The following VPS13D variants were observed in gnomAD, a reference collection of about 807,000 sequenced individuals.
VPS13D encodes vacuolar protein sorting 13 homolog D.
A neutral mutation model predicts 461.9 loss-of-function variants in VPS13D; 187 were observed. The ratio of observed to expected loss-of-function variants is 0.40; its 90% CI spans 0.36 to 0.46. The LOEUF is 0.46. Among genes scored for constraint, VPS13D ranks in the 20% least tolerant of loss-of-function variants. The probability of loss-of-function intolerance (pLI) is 0.60; values close to 1 mark genes in which losing one functional copy is unlikely to be tolerated. For missense variants in VPS13D, 4,711 were observed against 5,364.9 expected (o/e 0.88, Z 3.81); for synonymous variants, 1,951 against 1,986.3 (o/e 0.98, Z 0.47).
At chr1:12,371,476 C>T (rs1239502345) in intron 54 of VPS13D, among the ~76,000 whole-genome samples, 3 of 151,528 alleles carry the variant, frequency 2.0e-5, no homozygotes, top group Admixed American at 6.6e-5. Context: ...CTGTAACCTC[C>T]ACCTCCCGGG....
intron 6 of VPS13D, among the ~76,000 whole-genome samples, chr1:12,251,932 G>A (rs1381729248): frequency 6.6e-6 from 1 of 152,090 alleles, no homozygotes. Context: ...AGGGGTTGTG[G>A]CTGATCAGTC....
intron 37 of VPS13D, 59 bp from the exon 38 acceptor site, chr1:12,333,167 T>C (rs1643373098): frequency 7.7e-6 from 12 of 1,563,100 alleles, no homozygotes; most frequent in Non-Finnish European, 1.0e-5. Context: ...GCGAGCAGTG[T>C]TCCCCTATAA....
intron 52 of VPS13D, 32 bp downstream of exon 52, chr1:12,363,279 G>T: frequency 1.9e-6 from 3 of 1,606,912 alleles, no homozygotes; most frequent in Non-Finnish European, 2.6e-6. Context: ...TAGACAAAAA[G>T]GTAGCCCCTG....
intron 46 of VPS13D, among the ~76,000 whole-genome samples, chr1:12,351,071 A>G (rs185809888): frequency 3.8e-4 from 58 of 152,358 alleles, no homozygotes; most frequent in African/African-American, 1.3e-3. Context: ...AAAGAACACT[A>G]TAGGCCCATA....
chr1:12,333,416 T>C, intron 38 of VPS13D, 50 bp downstream of exon 38: 1 of 1,602,958 alleles, frequency 6.2e-7, no homozygotes, highest in Middle Eastern at 1.7e-4. Flanking sequence ...GTACCTAAGT[T>C]CTGAGTCTGG....
At chr1:12,448,126 G>C (rs1012995238) in intron 65 of VPS13D, among the ~76,000 whole-genome samples, 7 of 152,140 alleles carry the variant, frequency 4.6e-5, no homozygotes, top group Admixed American at 4.6e-4. Context: ...TGTAGATGAA[G>C]ACACTGATTC....
chr1:12,301,016 G>C (rs1290936514), intron 25 of VPS13D, among the ~76,000 whole-genome samples: 1 of 152,230 alleles, frequency 6.6e-6, no homozygotes, highest in Non-Finnish European at 1.5e-5. Context: ...CGTAGGGAGA[G>C]AGATGGCCTT....
intron 27 of VPS13D, 37 bp downstream of exon 27, chr1:12,308,678 C>A: frequency 6.3e-7 from 1 of 1,594,732 alleles, no homozygotes; most frequent in Non-Finnish European, 8.6e-7. Flanking sequence ...TGGAGTCTCG[C>A]TCTGTTCACC....
At chr1:12,341,358 A>G (rs898368334) in intron 40 of VPS13D, among the ~76,000 whole-genome samples, 1 of 152,220 alleles carries the variant, frequency 6.6e-6, no homozygotes, top group African/African-American at 2.4e-5. Context: ...AGGGTAACTT[A>G]TGTAAAGGGA....
At position 12,371,579 on chromosome 1, in the gene VPS13D, G is replaced by C. The variant is rs1435700091; in HGVS notation, c.10808+1877G>C. Among the ~76,000 whole-genome samples the C allele has an allele frequency of 2.0e-5, 3 of 151,952 alleles. No individual in the cohort carries two copies. The East Asian group carries it at 5.8e-4, about 29-fold the overall frequency. On this transcript the variant is annotated intron_variant, in intron 54 of 69. Coordinates refer to ENST00000620676, the MANE Select transcript of VPS13D (RefSeq NM_015378.4). Reference sequence around the variant, plus strand: ...CTGATTTTTTTGTATTTTTAGTAGAGATGGGATTTCACCATGTTGGTCAGG... The same window carrying C: ...CTGATTTTTTTGTATTTTTAGTAGACATGGGATTTCACCATGTTGGTCAGG...
At chr1:12,240,719 T>C (rs1049593714) in intron 2 of VPS13D, among the ~76,000 whole-genome samples, 2 of 149,200 alleles carry the variant, frequency 1.3e-5, no homozygotes, top group East Asian at 2.0e-4. Context: ...GATTTTTTTT[T>C]CCCCTTATGT....
intron 2 of VPS13D, 49 bp downstream of exon 2, chr1:12,234,412 T>G: frequency 6.7e-7 from 1 of 1,493,412 alleles, no homozygotes; most frequent in Non-Finnish European, 9.2e-7. Context: ...GCGTTTCTAT[T>G]TTTGTATTTT....
At position 12,431,496 on chromosome 1, in the gene VPS13D, C is replaced by T. The variant is rs150711936; in HGVS notation, c.12333+14669C>T. ...AGACTGGGCCGGCAGCTTGTGGGCA[C>T]CTGCTTGGTAGGAGTGAGGGGGAGA... On this transcript the variant is annotated intron_variant, in intron 65 of 69. Transcript: ENST00000620676. Among the ~76,000 whole-genome samples, 921 of 150,470 alleles carry T rather than the reference C, an allele frequency of 6.1e-3. 3 individuals carry two copies. The highest frequency in any genetic ancestry group is 0.027 in the Middle Eastern group (8 of 294).
chr1:12,320,304 G>A (rs578008468), intron 32 of VPS13D, among the ~76,000 whole-genome samples: 35 of 152,338 alleles, frequency 2.3e-4, no homozygotes, highest in African/African-American at 8.4e-4. Flanking sequence ...TGTGGAGACA[G>A]AAGGGGAATC....
intron 55 of VPS13D, among the ~76,000 whole-genome samples, chr1:12,374,508 G>A (rs1014527395): frequency 6.6e-6 from 1 of 152,184 alleles, no homozygotes. Context: ...ACTTATTGCA[G>A]TTGATTAAGA....
At position 12,341,775 on chromosome 1, in the gene VPS13D, C is replaced by T. The variant is rs781628614; in HGVS notation, c.8627-5C>T. 54 of 1,613,354 alleles carry T rather than the reference C, an allele frequency of 3.3e-5. No individual in the cohort carries two copies. The highest frequency in any genetic ancestry group is 1.1e-4 in the East Asian group (5 of 44,890). On this transcript the variant is annotated splice_polypyrimidine_tract_variant and splice_region_variant and intron_variant, in intron 40 of 69. Coordinates refer to ENST00000620676, the MANE Select transcript of VPS13D (RefSeq NM_015378.4). ...CTGCTCATAGCCTTCTTCTGTTTGT[C>T]GTAGCAGAGGTGAAAACCCCCAAGC...
intron 60 of VPS13D, among the ~76,000 whole-genome samples, chr1:12,397,998 A>G (rs2101676804): frequency 6.6e-6 from 1 of 152,316 alleles, no homozygotes; most frequent in Middle Eastern, 3.4e-3. Context: ...TGCAGGCCTT[A>G]GAGGCTGTGG....
intron 60 of VPS13D, among the ~76,000 whole-genome samples, chr1:12,395,719 C>A (rs1644486084): frequency 6.6e-6 from 1 of 151,970 alleles, no homozygotes. Flanking sequence ...TCACTAAAAT[C>A]CTTGCCTCTC....
Position 12,510,248 on chromosome 1 carries a change from G to C in VPS13D, c.*1224G>C, listed in dbSNP as rs933223137. On this transcript the variant is annotated 3_prime_UTR_variant, in exon 70 of 70. Transcript: ENST00000620676. The stretch of plus-strand genomic sequence containing the variant: ...CCCTGGGTCTTGTTTTTGGTGTTTC[G>C]CTTTTCTGTAAGGATTAAGCAGATA... The C allele has an allele frequency of 1.3e-5, 2 of 152,174 alleles. No individual in the cohort carries two copies. Among genetic ancestry groups the C allele is most frequent in the African/African-American group, 2.4e-5 (1 of 41,432 alleles). The allele number at this position is 152,174 out of a possible 1,614,324, so 9.4% of individuals were successfully genotyped here.
Sources: gnomAD v4.1 joint callset for allele counts (sites outside exome capture counted in the v4.1 genomes callset) on GRCh38, gnomAD v4.1.1 for gene constraint, MANE v1.5 for transcripts, NCBI Gene and HGNC (gene_info 2026-07-23, HGNC 2026-07-21) for gene names.